SYNJ1: variants seen among roughly 807,000 people sequenced by gnomAD.
SYNJ1 encodes polyphosphatidylinositol phosphatase SYNJ1.
SYNJ1 carries 78 observed loss-of-function variants against 168.2 expected under a neutral mutation model. The observed-to-expected ratio is 0.46, with a 90% confidence interval of 0.39 to 0.56. The LOEUF is 0.56. Among genes scored for constraint, SYNJ1 ranks in the 20% least tolerant of loss-of-function variants. The pLI is 0.00. For missense variants in SYNJ1, 1,303 were observed against 1,597.6 expected, an observed-to-expected ratio of 0.82 and a Z score of 3.14; for synonymous variants, 539 against 548.6, an observed-to-expected ratio of 0.98 and a Z score of 0.24.
upstream of SYNJ1, chr21:32,728,113 C>T: frequency 2.5e-5 from 36 of 1,452,712 alleles, no homozygotes; most frequent in Non-Finnish European, 3.3e-5. Context: ...GAGACCACGC[C>T]CACTCTGCGC....
chr21:32,645,855 T>C, intron 24 of SYNJ1, 66 bp from the exon 25 acceptor site: 1 of 1,517,554 alleles, frequency 6.6e-7, no homozygotes. Context: ...GGAACAGTCC[T>C]TCATATATAT....
intron 2 of SYNJ1, among the ~76,000 whole-genome samples, chr21:32,708,010 C>T (rs1365263893): frequency 1.3e-5 from 2 of 151,976 alleles, no homozygotes; most frequent in Non-Finnish European, 1.5e-5. Context: ...AGTGAGACTC[C>T]GTCTCAAAAA....
At chr21:32,661,557 T>C (rs2040704151) in intron 18 of SYNJ1, among the ~76,000 whole-genome samples, 1 of 152,110 alleles carries the variant, frequency 6.6e-6, no homozygotes, top group Non-Finnish European at 1.5e-5. Context: ...GGCCGGTGTT[T>C]GTGGCTGACT....
chr21:32,692,510 A>C (rs2042061731), intron 6 of SYNJ1, among the ~76,000 whole-genome samples: 1 of 152,130 alleles, frequency 6.6e-6, no homozygotes, highest in African/African-American at 2.4e-5. Context: ...TGGGAGGCGG[A>C]GGTTGCAGTA....
At chr21:32,679,977 G>A (rs2041558893) in intron 11 of SYNJ1, among the ~76,000 whole-genome samples, 1 of 151,986 alleles carries the variant, frequency 6.6e-6, no homozygotes, top group African/African-American at 2.4e-5. Flanking sequence ...GAAAATATAT[G>A]TAACCTCTGT....
At chr21:32,680,819 G>C (rs924063326) in intron 11 of SYNJ1, among the ~76,000 whole-genome samples, 1 of 152,144 alleles carries the variant, frequency 6.6e-6, no homozygotes, top group African/African-American at 2.4e-5. Flanking sequence ...GTTTCGCTAT[G>C]TTGGCCAGGC....
In SYNJ1 at chr21:32,630,944, T is replaced by C; in HGVS notation, c.*861A>G. 7.2e-6 allele frequency: 11 copies of C among 1,531,280 alleles called. No homozygotes were observed. The highest frequency in any genetic ancestry group is 9.7e-6 in the Non-Finnish European group (11 of 1,135,022). 94.9% of individuals were successfully genotyped at this position (1,531,280 alleles called of 1,614,324 possible). ...AATGAAATACTAATGCCCAATTCTCTTAGCTCTATCCTGCCAAAAGCAAGT... is the reference window on the plus strand; with the variant it reads ...AATGAAATACTAATGCCCAATTCTCCTAGCTCTATCCTGCCAAAAGCAAGT... On this transcript the variant is annotated 3_prime_UTR_variant, in exon 33 of 33. Coordinates refer to ENST00000674351, the MANE Select transcript of SYNJ1 (RefSeq NM_203446.3).
At position 32,631,207 on chromosome 21, in the gene SYNJ1, G is replaced by C; in HGVS notation, c.*598C>G. 6.8e-6 allele frequency: 11 copies of C among 1,614,190 alleles called. No homozygotes were observed. Among genetic ancestry groups the C allele is most frequent in the Non-Finnish European group, 9.3e-6 (11 of 1,180,032 alleles). On this transcript the variant is annotated 3_prime_UTR_variant, in exon 33 of 33. Coordinates refer to ENST00000674351, the MANE Select transcript of SYNJ1 (RefSeq NM_203446.3). Reference sequence around the variant, plus strand: ...GAAAATGAACTTGGCTGATTACCCAGTAAGTCTGAACAAGCTGACTTTGAC... The same window carrying C: ...GAAAATGAACTTGGCTGATTACCCACTAAGTCTGAACAAGCTGACTTTGAC...
At chr21:32,650,067 A>G (rs1022543893) in intron 23 of SYNJ1, 117 bp downstream of exon 23, 2 of 1,245,062 alleles carry the variant, frequency 1.6e-6, no homozygotes, top group Non-Finnish European at 2.2e-6. Context: ...ATTCTAATTA[A>G]TAGTGCTATG....
chr21:32,686,244 T>C (rs537470780), intron 8 of SYNJ1, among the ~76,000 whole-genome samples: 55 of 152,290 alleles, frequency 3.6e-4, no homozygotes, highest in African/African-American at 1.3e-3. Flanking sequence ...CTTCATTCAA[T>C]ACATACAAAT....
chr21:32,688,262 T>C (rs531410525), intron 7 of SYNJ1, 44 bp downstream of exon 7: 1 of 1,583,882 alleles, frequency 6.3e-7, no homozygotes, highest in East Asian at 2.3e-5. Context: ...GTCCCACTGC[T>C]TAGCAATATC....
chr21:32,632,848 GTC>G (rs1569018037), intron 32 of SYNJ1, among the ~76,000 whole-genome samples: 1 of 152,034 alleles, frequency 6.6e-6, no homozygotes, highest in African/African-American at 2.4e-5. Context: ...AATGAAACCT[GTC>G]TCTACTAAAA....
chr21:32,642,150 GA>G lies in SYNJ1; in HGVS notation c.3479-18del, dbSNP rs555916409. 9,365 of 1,606,322 alleles carry G rather than the reference GA, an allele frequency of 5.8e-3. 731 individuals are homozygous for G. In the Admixed American group the frequency reaches 0.14, roughly 24 times the overall value. ...TTTTGGGTGCTTTGAAGCAAGAAGG[GA>G]AAAAAAAATTAGTTGTAAGTTAACA... On this transcript the variant is annotated intron_variant, in intron 27 of 32. Coordinates refer to ENST00000674351, the MANE Select transcript of SYNJ1 (RefSeq NM_203446.3).
chr21:32,651,554 T>C (rs1473633130), intron 22 of SYNJ1, among the ~76,000 whole-genome samples: 2 of 152,226 alleles, frequency 1.3e-5, no homozygotes, highest in Non-Finnish European at 2.9e-5. Context: ...TTACAAGTCA[T>C]ATATTACTTT....
intron 11 of SYNJ1, among the ~76,000 whole-genome samples, chr21:32,679,428 CATAAG>C (rs1469441406): frequency 2.0e-5 from 3 of 152,096 alleles, no homozygotes. Flanking sequence ...AAAAATACAT[CATAAG>C]ATAATAAACT....
chr21:32,660,608 CGG>C lies in SYNJ1; in HGVS notation c.2305-2738_2305-2737del, dbSNP rs779947954. 7.9e-5 allele frequency among the ~76,000 whole-genome samples: 12 copies of C among 152,356 alleles called. No homozygotes were observed. In the South Asian group the frequency reaches 2.1e-3, roughly 26 times the overall value. ...CATGGAGAAAGATGTGCAGGATATG[CGG>C]TGGTAACTTTGAACGCTGTCATTGA... On this transcript the variant is annotated intron_variant, in intron 18 of 32. Coordinates refer to ENST00000674351, the MANE Select transcript of SYNJ1 (RefSeq NM_203446.3).
rs112678632 is a variant in SYNJ1, at chr21:32,643,540, T to A, written c.3431-83A>T. ...AGGCAGGCACACAAGACAATTTCCA[T>A]AGTAAACTCACTTTTGCAAAAAGGC... is the stretch of plus-strand genomic sequence containing the variant. On this transcript the variant is annotated intron_variant, in intron 26 of 32. Transcript: ENST00000674351. The A allele has an allele frequency of 3.6e-5, 51 of 1,410,508 alleles. 3 individuals are homozygous for A. The African/African-American group carries it at 4.0e-4, about 11-fold the overall frequency. The allele number at this position is 1,410,508 out of a possible 1,614,324, so 87.4% of individuals were successfully genotyped here. A position where few individuals can be genotyped will look rare whatever the true frequency, so the allele number is the denominator to read the frequency against.
At chr21:32,694,082 C>T (rs571207710) in intron 6 of SYNJ1, 146 bp downstream of exon 6, 48 of 511,890 alleles carry the variant, frequency 9.4e-5, no homozygotes, top group Middle Eastern at 1.1e-3. Context: ...ACTCTGTACT[C>T]GTCTAGACCC....
intron 27 of SYNJ1, 68 bp downstream of exon 27, chr21:32,643,342 G>A (rs2039927134): frequency 1.3e-6 from 2 of 1,524,068 alleles, no homozygotes; most frequent in Non-Finnish European, 1.8e-6. Context: ...TGCGGGGTGG[G>A]GAGGTGGGGC....
Sources: allele counts gnomAD v4.1 joint callset (sites outside exome capture counted in the v4.1 genomes callset), GRCh38; gene constraint gnomAD v4.1.1; transcripts MANE v1.5; gene names NCBI Gene and HGNC (gene_info 2026-07-23, HGNC 2026-07-21).